Variants in LRRC4C observed in about 807,000 individuals in gnomAD.
The protein encoded by LRRC4C is leucine-rich repeat-containing protein 4C.
LRRC4C carries 5 observed loss-of-function variants against 33.6 expected under a neutral mutation model. That is an observed-to-expected ratio of 0.15 (90% confidence interval 0.08 to 0.31). LRRC4C has a LOEUF of 0.31. LRRC4C is among the 10% of genes least tolerant of loss of function. The pLI is 1.00. For missense variants in LRRC4C, 560 were observed against 796.7 expected (o/e 0.70, Z 3.58); for synonymous variants, 329 against 302.0 (o/e 1.09, Z -0.93).
At chr11:41,326,352 C>T (rs1294201957) in intron 1 of LRRC4C, among the ~76,000 whole-genome samples, 1 of 152,168 alleles carries the variant, frequency 6.6e-6, no homozygotes, top group African/African-American at 2.4e-5. Flanking sequence ...GCTGCACTGT[C>T]AGCATCCCTA....
intron 5 of LRRC4C, among the ~76,000 whole-genome samples, chr11:40,201,525 C>G (rs1236120524): frequency 6.6e-6 from 1 of 152,064 alleles, no homozygotes; most frequent in Non-Finnish European, 1.5e-5. Flanking sequence ...CTTGTTTTCC[C>G]CCTCAGCAGT....
chr11:41,236,951 A>G (rs1382914090), intron 1 of LRRC4C, among the ~76,000 whole-genome samples: 2 of 152,248 alleles, frequency 1.3e-5, no homozygotes, highest in East Asian at 1.9e-4. Flanking sequence ...GGCAGGCACA[A>G]TTTTGGTAAA....
At chr11:41,095,358 G>T (rs145863228) in intron 1 of LRRC4C, among the ~76,000 whole-genome samples, 1,567 of 152,298 alleles carry the variant, frequency 0.01, 28 homozygotes, top group African/African-American at 0.035. Flanking sequence ...TACAATTCTA[G>T]ATAAGATTTG....
intron 1 of LRRC4C, among the ~76,000 whole-genome samples, chr11:41,273,147 T>C (rs2136858447): frequency 6.6e-6 from 1 of 152,218 alleles, no homozygotes; most frequent in African/African-American, 2.4e-5. Context: ...GTATAACAAA[T>C]GTTAGTGAGG....
intron 1 of LRRC4C, among the ~76,000 whole-genome samples, chr11:41,061,106 T>C (rs1363143829): frequency 6.6e-6 from 1 of 152,202 alleles, no homozygotes; most frequent in African/African-American, 2.4e-5. Flanking sequence ...AAATATTTTA[T>C]ATATTTCTAT....
At chr11:40,209,014 G>A (rs923518277) in intron 5 of LRRC4C, among the ~76,000 whole-genome samples, 2 of 148,450 alleles carry the variant, frequency 1.3e-5, no homozygotes, top group African/African-American at 2.5e-5. Context: ...AACATTTGTC[G>A]GCACACCACT....
At chr11:41,437,753 A>G (rs1269634960) in intron 1 of LRRC4C, among the ~76,000 whole-genome samples, 1 of 152,182 alleles carries the variant, frequency 6.6e-6, no homozygotes, top group African/African-American at 2.4e-5. Context: ...TAATTACAAT[A>G]TGGGCTGGGT....
chr11:40,183,209 TCTC>T (rs1861149791), intron 5 of LRRC4C, among the ~76,000 whole-genome samples: 1 of 152,204 alleles, frequency 6.6e-6, no homozygotes, highest in Non-Finnish European at 1.5e-5. Context: ...CATTTTTTTT[TCTC>T]TTTAAAAGTC....
At chr11:41,114,493 A>G (rs1472717237) in intron 1 of LRRC4C, among the ~76,000 whole-genome samples, 1 of 152,060 alleles carries the variant, frequency 6.6e-6, no homozygotes, top group Non-Finnish European at 1.5e-5. Flanking sequence ...CTCAATCTCA[A>G]AAGACATTAT....
At chr11:41,095,974 C>T (rs1198907694) in intron 1 of LRRC4C, among the ~76,000 whole-genome samples, 1 of 151,992 alleles carries the variant, frequency 6.6e-6, no homozygotes, top group Non-Finnish European at 1.5e-5. Flanking sequence ...GTTATTCACT[C>T]AACACTGAAT....
intron 1 of LRRC4C, among the ~76,000 whole-genome samples, chr11:41,452,313 A>G (rs1956052603): frequency 6.6e-6 from 1 of 152,158 alleles, no homozygotes; most frequent in Admixed American, 6.6e-5. Flanking sequence ...ATCTTTAAGT[A>G]ACTTATTATC....
intron 2 of LRRC4C, among the ~76,000 whole-genome samples, chr11:40,660,659 T>C (rs974774863): frequency 6.6e-6 from 1 of 152,132 alleles, no homozygotes; most frequent in Non-Finnish European, 1.5e-5. Context: ...TTCCTGATTC[T>C]TAGAGTCCAG....
intron 2 of LRRC4C, among the ~76,000 whole-genome samples, chr11:40,784,158 C>T (rs1011821385): frequency 1.3e-5 from 2 of 151,936 alleles, no homozygotes; most frequent in Non-Finnish European, 2.9e-5. Context: ...TGGGTTTCTA[C>T]TTCACTCCTT....
At chr11:41,288,741 G>T (rs757855521) in intron 1 of LRRC4C, among the ~76,000 whole-genome samples, 12 of 152,114 alleles carry the variant, frequency 7.9e-5, no homozygotes, top group Non-Finnish European at 1.3e-4. Context: ...AAATTAAAGT[G>T]TGGGCTAGAG....
At chr11:41,176,051 C>G (rs1258061103) in intron 1 of LRRC4C, among the ~76,000 whole-genome samples, 1 of 152,066 alleles carries the variant, frequency 6.6e-6, no homozygotes, top group Non-Finnish European at 1.5e-5. Flanking sequence ...TTTACTGCAC[C>G]TTTAACTGTC....
At chr11:41,273,471 G>A (rs1298070151) in intron 1 of LRRC4C, among the ~76,000 whole-genome samples, 1 of 152,128 alleles carries the variant, frequency 6.6e-6, no homozygotes, top group Non-Finnish European at 1.5e-5. Context: ...AGGGCGTTAT[G>A]CTAAATGAAA....
At chr11:40,779,507 T>C (rs1169160898) in intron 2 of LRRC4C, among the ~76,000 whole-genome samples, 3 of 152,240 alleles carry the variant, frequency 2.0e-5, no homozygotes, top group Non-Finnish European at 2.9e-5. Flanking sequence ...TGTGCTCATT[T>C]CTTATATTAC....
intron 1 of LRRC4C, among the ~76,000 whole-genome samples, chr11:41,147,853 G>C (rs895814265): frequency 6.6e-6 from 1 of 152,112 alleles, no homozygotes; most frequent in Non-Finnish European, 1.5e-5. Flanking sequence ...ACTTTGGGAG[G>C]CTGAGGCAGG....
chr11:40,922,211 C>T (rs1033439550), intron 2 of LRRC4C, among the ~76,000 whole-genome samples: 1 of 152,084 alleles, frequency 6.6e-6, no homozygotes, highest in Admixed American at 6.6e-5. Context: ...TACCTTACCA[C>T]TCCGTACAAG....
Sources: allele counts gnomAD v4.1 joint callset (sites outside exome capture counted in the v4.1 genomes callset), GRCh38; gene constraint gnomAD v4.1.1; transcripts MANE v1.5; gene names NCBI Gene and HGNC (gene_info 2026-07-23, HGNC 2026-07-21).